The following CSMD1 variants were observed in gnomAD, a reference collection of about 807,000 sequenced individuals.
The protein encoded by CSMD1 is CUB and Sushi multiple domains 1.
In CSMD1, 213 loss-of-function variants were observed where a neutral mutation model predicts 417.5. That is an observed-to-expected ratio of 0.51 (90% CI 0.46 to 0.57). CSMD1 has a LOEUF of 0.57. CSMD1 is among the 20% of genes least tolerant of loss of function. The pLI is 0.00. For missense variants in CSMD1, 6,923 were observed against 4,529.7 expected, an observed-to-expected ratio of 1.53 and a Z score of -15.17; for synonymous variants, 2,862 against 1,736.8, an observed-to-expected ratio of 1.65 and a Z score of -16.11.
intron 7 of CSMD1, among the ~76,000 whole-genome samples, chr8:3,645,507 A>C (rs2117344851): frequency 6.6e-6 from 1 of 152,292 alleles, no homozygotes; most frequent in Admixed American, 6.5e-5. Flanking sequence ...GGGAAGGGGA[A>C]GGAAGGGGAG....
At chr8:4,751,104 C>T (rs1811296846) in intron 1 of CSMD1, among the ~76,000 whole-genome samples, 1 of 152,058 alleles carries the variant, frequency 6.6e-6, no homozygotes, top group Non-Finnish European at 1.5e-5. Flanking sequence ...AGCATGTCTG[C>T]CTGGGAGCAG....
intron 2 of CSMD1, among the ~76,000 whole-genome samples, chr8:4,504,129 C>CACATATAT (rs1802402348): frequency 6.6e-6 from 1 of 152,040 alleles, no homozygotes; most frequent in South Asian, 2.1e-4. Context: ...ATATATAGCC[C>CACATATAT]ATGGAGGATT....
chr8:4,555,265 G>C (rs1010794028), intron 2 of CSMD1, among the ~76,000 whole-genome samples: 1 of 152,124 alleles, frequency 6.6e-6, no homozygotes, highest in African/African-American at 2.4e-5. Flanking sequence ...TGGCTGTTCG[G>C]TCAGGGAAGA....
intron 50 of CSMD1, among the ~76,000 whole-genome samples, chr8:3,038,701 ATT>A (rs1232278499): frequency 6.0e-4 from 91 of 152,148 alleles, no homozygotes; most frequent in South Asian, 8.3e-4. Flanking sequence ...TGAAAAAAAA[ATT>A]CGCTTAAGTA....
At chr8:4,240,798 C>A (rs1042426417) in intron 3 of CSMD1, among the ~76,000 whole-genome samples, 1 of 152,134 alleles carries the variant, frequency 6.6e-6, no homozygotes, top group Non-Finnish European at 1.5e-5. Context: ...CCAAAAATAT[C>A]CATACTATCT....
At chr8:3,956,408 C>A (rs1349164113) in intron 5 of CSMD1, among the ~76,000 whole-genome samples, 1 of 152,146 alleles carries the variant, frequency 6.6e-6, no homozygotes, top group East Asian at 1.9e-4. Flanking sequence ...AGAAGTCTAA[C>A]TGGAGGCATG....
At chr8:4,161,779 T>A (rs944972917) in intron 3 of CSMD1, among the ~76,000 whole-genome samples, 1 of 152,168 alleles carries the variant, frequency 6.6e-6, no homozygotes, top group African/African-American at 2.4e-5. Flanking sequence ...ATATTTTGAA[T>A]TGTGCAAAAG....
intron 41 of CSMD1, among the ~76,000 whole-genome samples, chr8:3,119,658 G>A (rs1025266545): frequency 6.6e-6 from 1 of 152,134 alleles, no homozygotes; most frequent in African/African-American, 2.4e-5. Flanking sequence ...GCCCACTCTG[G>A]GAAGAGGGCG....
chr8:4,724,322 CTGA>C (rs1414536928), intron 1 of CSMD1, among the ~76,000 whole-genome samples: 2 of 151,966 alleles, frequency 1.3e-5, no homozygotes, highest in Non-Finnish European at 2.9e-5. Flanking sequence ...TATATCACTA[CTGA>C]TTATATGAAG....
At chr8:4,444,755 T>C (rs918919885) in intron 2 of CSMD1, among the ~76,000 whole-genome samples, 9 of 152,320 alleles carry the variant, frequency 5.9e-5, no homozygotes, top group African/African-American at 2.2e-4. Context: ...TGAATATGTC[T>C]ACCTAATTTT....
In CSMD1 at chr8:3,461,334, G is replaced by C. The variant is rs192642391; in HGVS notation, c.1561+7378C>G. ...GCGCTTCTGAAGGCATGGCTGAGGA[G>C]CCAGCTTGGAGAGTATGCTGGGAAG... On this transcript the variant is annotated intron_variant, in intron 12 of 69. Transcript: ENST00000635120. Among the ~76,000 whole-genome samples the C allele has an allele frequency of 3.9e-5, 6 of 152,332 alleles. No homozygotes were observed. The East Asian group carries it at 1.2e-3, about 29-fold the overall frequency.
At chr8:3,754,739 G>C (rs1019981042) in intron 5 of CSMD1, among the ~76,000 whole-genome samples, 1 of 152,196 alleles carries the variant, frequency 6.6e-6, no homozygotes, top group African/African-American at 2.4e-5. Flanking sequence ...ACAAGCGTGA[G>C]CCACGGCGCC....
At chr8:4,354,868 G>GTGTGTGTC (rs1554442747) in intron 3 of CSMD1, among the ~76,000 whole-genome samples, 16 of 102,326 alleles carry the variant, frequency 1.6e-4, no homozygotes, top group African/African-American at 1.2e-3. Context: ...AAAATGTAGT[G>GTGTGTGTC]TGTGTGTGTG....
chr8:4,012,959 C>G (rs1796346513), intron 4 of CSMD1, among the ~76,000 whole-genome samples: 1 of 152,132 alleles, frequency 6.6e-6, no homozygotes, highest in African/African-American at 2.4e-5. Context: ...CTGGCCATCT[C>G]CTCTGCTCCT....
intron 37 of CSMD1, among the ~76,000 whole-genome samples, chr8:3,177,691 C>T (rs372224132): frequency 3.3e-5 from 5 of 152,204 alleles, no homozygotes; most frequent in East Asian, 3.9e-4. Context: ...ACTCCAGTCT[C>T]GGGGCCCGTG....
At chr8:4,228,416 T>C (rs1224451359) in intron 3 of CSMD1, among the ~76,000 whole-genome samples, 2 of 152,142 alleles carry the variant, frequency 1.3e-5, no homozygotes, top group African/African-American at 4.8e-5. Flanking sequence ...TTTTGCTGAA[T>C]TTAAGCAGCA....
At position 3,510,316 on chromosome 8, in the gene CSMD1, G is replaced by A. The variant is rs549207450; in HGVS notation, c.1345-16590C>T. 1.6e-4 allele frequency among the ~76,000 whole-genome samples: 25 copies of A among 151,866 alleles called. No individual in the cohort carries two copies. The South Asian group carries it at 2.1e-3, about 13-fold the overall frequency. On this transcript the variant is annotated intron_variant, in intron 10 of 69. Transcript: ENST00000635120. The stretch of plus-strand genomic sequence containing the variant: ...GGCCTGCCTCTGTCTTCCCATTCCC[G>A]TCACAGGAAAGAGCAACACAGCCGG...
At chr8:3,028,405 C>T (rs1810105105) in intron 51 of CSMD1, among the ~76,000 whole-genome samples, 1 of 152,122 alleles carries the variant, frequency 6.6e-6, no homozygotes, top group Non-Finnish European at 1.5e-5. Context: ...CATTACCCAT[C>T]CAAACCAGGA....
intron 2 of CSMD1, among the ~76,000 whole-genome samples, chr8:4,451,567 T>G (rs1201239331): frequency 6.6e-6 from 1 of 151,904 alleles, no homozygotes; most frequent in Non-Finnish European, 1.5e-5. Context: ...AGCGATAGAG[T>G]GAAGACAAAG....
Sources: gnomAD v4.1 joint callset for allele counts (sites outside exome capture counted in the v4.1 genomes callset) on GRCh38, gnomAD v4.1.1 for gene constraint, MANE v1.5 for transcripts, NCBI Gene and HGNC (gene_info 2026-07-23, HGNC 2026-07-21) for gene names.